The following CENATAC variants were observed in gnomAD, a reference collection of about 807,000 sequenced individuals.
CENATAC encodes coiled-coil domain containing 84.
CENATAC carries 53 observed loss-of-function variants against 53.7 expected under a neutral mutation model. The ratio of observed to expected loss-of-function variants is 0.99; its 90% confidence interval spans 0.79 to 1.24. The LOEUF is 1.24. CENATAC is among the 50% of genes most tolerant of loss of function. The probability of loss-of-function intolerance (pLI) is 0.00; values close to 1 mark genes in which losing one functional copy is unlikely to be tolerated. For missense variants in CENATAC, 474 were observed against 417.8 expected (o/e 1.13, Z -1.17); for synonymous variants, 156 against 144.6 (o/e 1.08, Z -0.57).
Position 119,013,273 on chromosome 11 carries a change from G to A in CENATAC, c.715+11G>A. ...GTAACATCCACTCAGGTAAGGTCCA[G>A]GGCAGTGTTTTTAAAACCCTGGGAG... On this transcript the variant is annotated intron_variant, in intron 8 of 10. Coordinates refer to ENST00000334418, the MANE Select transcript of CENATAC (RefSeq NM_198489.3). 2 of 1,596,734 alleles carry A rather than the reference G, an allele frequency of 1.3e-6. No individual in the cohort carries two copies. Among genetic ancestry groups the A allele is most frequent in the African/African-American group, 1.4e-5 (1 of 73,456 alleles).
rs527454301 is a variant in CENATAC, at chr11:118,998,500, G to A, written c.191G>A (p.Cys64Tyr). 9 of 1,612,878 alleles carry A rather than the reference G, an allele frequency of 5.6e-6. No individual in the cohort carries two copies. The highest frequency in any genetic ancestry group is 1.7e-4 in the Middle Eastern group (1 of 6,058). The part of the protein sequence containing the change: ...ERYVPEHERC[C>Y]WCLCCGCEVR... ...TATGTGCCCGAACACGAGCGATGCT[G>A]CTGGTGCCTGTGCTGCGGCTGTGAG... Residue 64 changes from cysteine (C) to tyrosine (Y), a missense_variant, in exon 2 of 11, where the codon TGC (cysteine) becomes TAC (tyrosine). By Grantham distance (194) the Cys-to-Tyr change is radical. Coordinates refer to ENST00000334418, the MANE Select transcript of CENATAC (RefSeq NM_198489.3).
At chr11:119,011,040 G>GT (rs1942844661) in intron 4 of CENATAC, among the ~76,000 whole-genome samples, 181 bp from the exon 5 acceptor site, 2 of 152,216 alleles carry the variant, frequency 1.3e-5, no homozygotes, top group African/African-American at 2.4e-5. Context: ...CTATGAGAAT[G>GT]TAACACCACC....
rs1199434607 is a variant in CENATAC, at chr11:119,012,385, C to G, written c.684+131C>G. The G allele has an allele frequency of 9.2e-6, 9 of 973,264 alleles. No homozygotes were observed. The East Asian group carries it at 1.9e-4, about 20-fold the overall frequency. The allele number at this position is 973,264 out of a possible 1,614,324, so 60.3% of individuals were successfully genotyped here. ...GCTTTTCCTTCTTCCTTCACTGTTC[C>G]CTAGTAGTGTTCTCAGACCTCTTCT... On this transcript the variant is annotated intron_variant, in intron 7 of 10. Coordinates refer to ENST00000334418, the MANE Select transcript of CENATAC (RefSeq NM_198489.3).
chr11:119,013,637 G>A (rs1467912591), intron 8 of CENATAC, among the ~76,000 whole-genome samples: 5 of 151,768 alleles, frequency 3.3e-5, no homozygotes, highest in Non-Finnish European at 5.9e-5. Context: ...CTAATTTTTT[G>A]TATTTTCAGT....
At position 119,014,981 on chromosome 11, in the gene CENATAC, ATTT is replaced by A. The variant is rs781860759; in HGVS notation, c.716-6_716-4del. 4 of 1,474,706 alleles carry A rather than the reference ATTT, an allele frequency of 2.7e-6. No homozygotes were observed. The highest frequency in any genetic ancestry group is 3.7e-6 in the Non-Finnish European group (4 of 1,095,688). The allele number at this position is 1,474,706 out of a possible 1,614,324, so 91.4% of individuals were successfully genotyped here. On this transcript the variant is annotated splice_polypyrimidine_tract_variant and intron_variant, in intron 8 of 10. Transcript: ENST00000334418. ...CTTAAAAAAAAAAAAAAAAGCCTTA[ATTT>A]TTTTTTCAGGTGCCACACCTCCCTG...
At chr11:119,006,741 A>C (rs2134547240) in intron 3 of CENATAC, among the ~76,000 whole-genome samples, 1 of 152,302 alleles carries the variant, frequency 6.6e-6, no homozygotes, top group Middle Eastern at 3.4e-3. Context: ...GTCCCCACCC[A>C]AATTTTTTTG....
At chr11:118,999,863 C>G (rs922088649) in intron 3 of CENATAC, among the ~76,000 whole-genome samples, 3 of 152,080 alleles carry the variant, frequency 2.0e-5, no homozygotes, top group South Asian at 2.1e-4. Flanking sequence ...AGGATGGTCT[C>G]GATCTCCTGA....
chr11:118,999,426 G>A, intron 3 of CENATAC: 1 of 237,068 alleles, frequency 4.2e-6, no homozygotes, highest in Non-Finnish European at 8.3e-6. Context: ...TGCTCAGCCA[G>A]TACCTACTTT....
At chr11:118,998,731 C>G (rs1345733530) in intron 2 of CENATAC, 138 bp downstream of exon 2, 19 of 1,218,848 alleles carry the variant, frequency 1.6e-5, no homozygotes, top group Non-Finnish European at 1.9e-5. Context: ...GTTTTGCCAG[C>G]CTTGTTAGGG....
chr11:119,011,310 C>T, intron 5 of CENATAC, 27 bp downstream of exon 5: 1 of 1,610,772 alleles, frequency 6.2e-7, no homozygotes, highest in Non-Finnish European at 8.5e-7. Context: ...GGATCCAGAC[C>T]AGTATCCAAA....
chr11:119,002,846 C>T lies in CENATAC; in HGVS notation c.383+3737C>T, dbSNP rs565101328. 2.0e-4 allele frequency among the ~76,000 whole-genome samples: 30 copies of T among 151,990 alleles called. No homozygotes were observed. The East Asian group carries it at 4.1e-3, about 21-fold the overall frequency. ...TGTTGTCCAGGCTGGAGGGCAGCTG[C>T]GTGATCTCGGCTCACTGCAACCTCC... On this transcript the variant is annotated intron_variant, in intron 3 of 10. Coordinates refer to ENST00000334418, the MANE Select transcript of CENATAC (RefSeq NM_198489.3).
Position 119,015,297 on chromosome 11 carries a change from C to A in CENATAC, c.806-10C>A. On this transcript the variant is annotated splice_polypyrimidine_tract_variant and intron_variant, in intron 9 of 10. Coordinates refer to ENST00000334418, the MANE Select transcript of CENATAC (RefSeq NM_198489.3). ...TAAAGAAAAATAAAAGTTTCCCTAT[C>A]ATTGTACAGAGGAAAAACAGAAGTT... The A allele has an allele frequency of 6.2e-7, 1 of 1,603,608 alleles. No individual in the cohort carries two copies. Among genetic ancestry groups the A allele is most frequent in the South Asian group, 1.1e-5 (1 of 89,396 alleles).
intron 5 of CENATAC, among the ~76,000 whole-genome samples, chr11:119,011,615 G>A (rs1306191621): frequency 1.3e-5 from 2 of 152,112 alleles, no homozygotes; most frequent in African/African-American, 4.8e-5. Flanking sequence ...CTGACCTCAG[G>A]TGATCCACCC....
In CENATAC at chr11:118,998,227, C is replaced by T. The variant is rs1942108022; in HGVS notation, c.30C>T (p.Cys10=). The T allele has an allele frequency of 1.3e-6, 2 of 1,584,212 alleles. No individual in the cohort carries two copies. The highest frequency in any genetic ancestry group is 1.3e-5 in the African/African-American group (1 of 74,316). MAPAQRCPL[C]RQTFFCGRGH... ...CGCCGGCGCAGCGCTGCCCTCTGTG[C>T]CGCCAGACCTTCTTCTGTGGTCGCG... Residue 10 remains cysteine, a synonymous_variant, in exon 1 of 11, where the codon TGC becomes TGT. Coordinates refer to ENST00000334418, the MANE Select transcript of CENATAC (RefSeq NM_198489.3).
In CENATAC at chr11:119,015,604, C is replaced by T; in HGVS notation, c.*6C>T. On this transcript the variant is annotated 3_prime_UTR_variant, in exon 11 of 11. Coordinates refer to ENST00000334418, the MANE Select transcript of CENATAC (RefSeq NM_198489.3). ...CACATACAGAAAAAAGCTAATCATG[C>T]TCTCTACCAACTACCATGAGGCTAA... is the stretch of plus-strand genomic sequence containing the variant. The T allele has an allele frequency of 3.1e-6, 5 of 1,613,888 alleles. No individual in the cohort carries two copies. The highest frequency in any genetic ancestry group is 4.2e-6 in the Non-Finnish European group (5 of 1,179,870).
intron 3 of CENATAC, among the ~76,000 whole-genome samples, chr11:119,007,721 A>G (rs1321844478): frequency 6.6e-6 from 1 of 152,134 alleles, no homozygotes; most frequent in East Asian, 1.9e-4. Context: ...TCCTGGGCTC[A>G]AGCAGTCCTT....
chr11:119,014,142 G>C (rs1450828771), intron 8 of CENATAC: 1 of 152,212 alleles, frequency 6.6e-6, no homozygotes, highest in Non-Finnish European at 1.5e-5. Flanking sequence ...ACATAGACTT[G>C]TACACAAATC....
chr11:119,000,541 A>AAGT (rs1436895073), intron 3 of CENATAC, among the ~76,000 whole-genome samples: 1 of 150,424 alleles, frequency 6.6e-6, no homozygotes, highest in Non-Finnish European at 1.5e-5. Context: ...GGCTCATGTG[A>AAGT]AGTCAGGAGT....
rs922526216 is a variant in CENATAC at position 118,998,176 on chromosome 11, G to A, written c.-22G>A. ...TGGCGTAGGATCGGCCGCTGGTGGT[G>A]GTGATACCGGGTACCCGGGCTATGG... On this transcript the variant is annotated 5_prime_UTR_variant, in exon 1 of 11. Transcript: ENST00000334418. The A allele has an allele frequency of 2.5e-6, 4 of 1,570,158 alleles. No individual in the cohort carries two copies. In the African/African-American group the frequency reaches 4.1e-5, roughly 16 times the overall value.
Sources: gnomAD v4.1 joint callset for allele counts (sites outside exome capture counted in the v4.1 genomes callset) on GRCh38, gnomAD v4.1.1 for gene constraint, MANE v1.5 for transcripts, NCBI Gene and HGNC (gene_info 2026-07-23, HGNC 2026-07-21) for gene names.